PSME3: variants seen among roughly 807,000 people sequenced by gnomAD.
PSME3 encodes the protein proteasome activator complex subunit 3.
Under a neutral mutation model 38.3 loss-of-function variants are expected in PSME3, and 7 were observed. That is an observed-to-expected ratio of 0.18 (90% CI 0.10 to 0.34). The LOEUF is 0.34. PSME3 is among the 10% of genes least tolerant of loss of function. The pLI is 1.00. For synonymous variants in PSME3, 108 were observed against 105.7 expected, an observed-to-expected ratio of 1.02 and a Z score of -0.13; for missense variants, 192 against 307.6, an observed-to-expected ratio of 0.62 and a Z score of 2.81.
rs371686047 is a variant in PSME3, at chr17:42,834,422, A to G, written c.75+46A>G. 13 of 1,609,610 alleles carry G rather than the reference A, an allele frequency of 8.1e-6. No homozygotes were observed. In the African/African-American group the frequency reaches 1.2e-4, roughly 15 times the overall value. ...AATGGTTGTTGGTTGAGAATTTCCC[A>G]AAGAGGAGATACCTGGAGAGAGAGA... On this transcript the variant is annotated intron_variant, in intron 2 of 10. Coordinates refer to ENST00000590720, the MANE Select transcript of PSME3 (RefSeq NM_005789.4).
chr17:42,841,062 G>A (rs546078047), intron 10 of PSME3, among the ~76,000 whole-genome samples: 2 of 151,646 alleles, frequency 1.3e-5, no homozygotes, highest in East Asian at 3.9e-4. Context: ...GAACCTGGGA[G>A]GCGGAGGTTG....
rs533731893 is a variant in PSME3, at chr17:42,834,460, G to GAGAA, written c.76-52_76-51insAAGA. Reference sequence around the variant, plus strand: ...CTGGAGAGAGAGAGAGAGAGAGAGAGAGAGAGAGACCTTCCCACAGATATT... The same window carrying GAGAA: ...CTGGAGAGAGAGAGAGAGAGAGAGAGAGAAAGAGAGAGACCTTCCCACAGATATT... On this transcript the variant is annotated intron_variant, in intron 2 of 10. Transcript: ENST00000590720. 877 of 1,608,694 alleles carry GAGAA rather than the reference G, an allele frequency of 5.5e-4. 1 individual carries two copies. In the African/African-American group the frequency reaches 9.6e-3, roughly 18 times the overall value.
intron 4 of PSME3, among the ~76,000 whole-genome samples, chr17:42,836,640 A>C (rs951670560): frequency 2.0e-5 from 3 of 151,936 alleles, no homozygotes; most frequent in African/African-American, 4.8e-5. Context: ...GCTCACTGCA[A>C]CCTCAAACTC....
chr17:42,841,543 C>T lies in PSME3; in HGVS notation c.730C>T (p.Arg244Trp), dbSNP rs1205199177. Residue 244 changes from arginine (R) to tryptophan (W), a missense_variant, in exon 11 of 11, where the codon CGG becomes TGG. By Grantham distance (101) the Arg-to-Trp change is moderately radical. This residue lies in a region of PSME3 where 82 missense variants were observed against 168.2 expected (regional missense o/e 0.49). Transcript: ENST00000590720. Reference sequence around the variant, plus strand: ...CCTGAAAAATATCGAGAAGATCAAACGGCCCCGGAGCAGCAATGCAGAGAC... The same window carrying T: ...CCTGAAAAATATCGAGAAGATCAAATGGCCCCGGAGCAGCAATGCAGAGAC... ...MILKNIEKIK[R>W]PRSSNAETLY is the part of the protein sequence containing the mutation. 2.5e-6 allele frequency: 4 copies of T among 1,609,694 alleles called. No individual in the cohort carries two copies. The highest frequency in any genetic ancestry group is 2.2e-5 in the East Asian group (1 of 44,616).
Position 42,837,642 on chromosome 17 carries a change from T to A in PSME3, c.244-7T>A. The A allele has an allele frequency of 6.2e-7, 1 of 1,614,096 alleles. No individual in the cohort carries two copies. The highest frequency in any genetic ancestry group is 1.7e-4 in the Middle Eastern group (1 of 6,048). ...CTAGGCTCATCCCTGCCTCTTTGTA[T>A]CCTTAGCCCACTTATAAGAAGCGAA... is the stretch of plus-strand genomic sequence containing the variant. On this transcript the variant is annotated splice_polypyrimidine_tract_variant and splice_region_variant and intron_variant, in intron 4 of 10. Coordinates refer to ENST00000590720, the MANE Select transcript of PSME3 (RefSeq NM_005789.4).
intron 6 of PSME3, 58 bp from the exon 7 acceptor site, chr17:42,838,673 G>T (rs368977765): frequency 7.2e-5 from 108 of 1,500,446 alleles, no homozygotes; most frequent in Non-Finnish European, 9.5e-5. Flanking sequence ...CGTCTGAATT[G>T]TGTACTTCAT....
chr17:42,835,508 G>A (rs1567679855), intron 4 of PSME3, among the ~76,000 whole-genome samples: 1 of 152,140 alleles, frequency 6.6e-6, no homozygotes, highest in Admixed American at 6.5e-5. Context: ...GACGGATCAT[G>A]AGGTCAGGAG....
intron 4 of PSME3, among the ~76,000 whole-genome samples, chr17:42,835,469 T>C (rs1457360228): frequency 6.6e-6 from 1 of 150,898 alleles, no homozygotes; most frequent in Non-Finnish European, 1.5e-5. Flanking sequence ...CTCACGCCTG[T>C]AATCCCAGCA....
At chr17:42,834,454 G>GAGAA in intron 2 of PSME3, 61 bp from the exon 3 acceptor site, 1 of 1,608,382 alleles carries the variant, frequency 6.2e-7, no homozygotes, top group South Asian at 1.1e-5. Flanking sequence ...GAGAGAGAGA[G>GAGAA]AGAGAGAGAG....
chr17:42,841,892 T>A lies in PSME3; in HGVS notation c.*314T>A, dbSNP rs2055538753. 4.5e-6 allele frequency: 1 copy of A among 223,410 alleles called. No individual in the cohort carries two copies. The highest frequency in any genetic ancestry group is 2.3e-5 in the African/African-American group (1 of 43,920). 13.8% of individuals were successfully genotyped at this position (223,410 alleles called of 1,614,324 possible). On this transcript the variant is annotated 3_prime_UTR_variant, in exon 11 of 11. Transcript: ENST00000590720. Reference sequence around the variant, plus strand: ...TGTTTTCATTCTCCCCCTCTCTCCCTCCTGTGTCTTGCGCTTTATGTTTTC... The same window carrying A: ...TGTTTTCATTCTCCCCCTCTCTCCCACCTGTGTCTTGCGCTTTATGTTTTC...
intron 4 of PSME3, among the ~76,000 whole-genome samples, chr17:42,835,422 C>T (rs1443856981): frequency 1.3e-5 from 2 of 150,198 alleles, no homozygotes; most frequent in Admixed American, 1.3e-4. Context: ...GAGTGAGTTT[C>T]AAATAAAAGA....
intron 2 of PSME3, 54 bp downstream of exon 2, chr17:42,834,430 G>A: frequency 6.2e-7 from 1 of 1,602,414 alleles, no homozygotes; most frequent in Non-Finnish European, 8.5e-7. Flanking sequence ...CCAAAGAGGA[G>A]ATACCTGGAG....
chr17:42,834,477 A>G, intron 2 of PSME3, 38 bp from the exon 3 acceptor site: 1 of 1,606,120 alleles, frequency 6.2e-7, no homozygotes, highest in East Asian at 2.2e-5. Flanking sequence ...AGACCTTCCC[A>G]CAGATATTAA....
chr17:42,837,832 C>T, intron 5 of PSME3, 135 bp downstream of exon 5: 1 of 1,078,792 alleles, frequency 9.3e-7, no homozygotes, highest in Non-Finnish European at 1.4e-6. Flanking sequence ...TTCCCAGCTC[C>T]TCCAAACGTG....
At chr17:42,840,789 A>G (rs1490718631) in intron 10 of PSME3, among the ~76,000 whole-genome samples, 9 of 152,184 alleles carry the variant, frequency 5.9e-5, no homozygotes, top group African/African-American at 2.2e-4. Context: ...CAGTTGAAGT[A>G]TAAGAGAGGT....
intron 1 of PSME3, 91 bp from the exon 2 acceptor site, chr17:42,834,253 C>G: frequency 6.2e-7 from 1 of 1,603,334 alleles, no homozygotes; most frequent in Non-Finnish European, 8.5e-7. Context: ...ATTACAGTTA[C>G]AAGGTGAGGG....
At chr17:42,833,703 C>T in intron 1 of PSME3, 30 bp downstream of exon 1, 1 of 1,614,234 alleles carries the variant, frequency 6.2e-7, no homozygotes, top group Admixed American at 1.7e-5. Context: ...CTTTTTGCCC[C>T]TCGCTTTGAT....
At position 42,841,743 on chromosome 17, in the gene PSME3, T is replaced by C; in HGVS notation, c.*165T>C. On this transcript the variant is annotated 3_prime_UTR_variant, in exon 11 of 11. Transcript: ENST00000590720. ...ACTCTCATCTAGTTCTGTGATGTGT[T>C]TACCTCTTTTTTCAGGCCTCAGGAA... 1 of 488,222 alleles carries C rather than the reference T, an allele frequency of 2.0e-6. No homozygotes were observed. The highest frequency in any genetic ancestry group is 3.6e-6 in the Non-Finnish European group (1 of 279,220). 30.2% of individuals were successfully genotyped at this position (488,222 alleles called of 1,614,324 possible). A position where few individuals can be genotyped will look rare whatever the true frequency, so the allele number is the denominator to read the frequency against.
intron 10 of PSME3, among the ~76,000 whole-genome samples, chr17:42,841,110 G>C (rs1396326191): frequency 6.8e-6 from 1 of 146,610 alleles, no homozygotes; most frequent in African/African-American, 2.6e-5. Flanking sequence ...TCCAGCCTGA[G>C]CGATAGAGCA....
Sources: allele counts gnomAD v4.1 joint callset (sites outside exome capture counted in the v4.1 genomes callset), GRCh38; gene constraint gnomAD v4.1.1; regional missense constraint gnomAD v4.1.1; transcripts MANE v1.5; gene names NCBI Gene and HGNC (gene_info 2026-07-23, HGNC 2026-07-21).